NRXN1: variants seen among roughly 807,000 people sequenced by gnomAD.
NRXN1 encodes the protein neurexin-1.
In NRXN1, 39 loss-of-function variants were observed where a neutral mutation model predicts 150.9. The observed-to-expected ratio is 0.26, with a 90% CI of 0.20 to 0.34. NRXN1 has a LOEUF of 0.34. Among genes scored for constraint, NRXN1 ranks in the 10% least tolerant of loss-of-function variants. The pLI is 1.00. For missense variants in NRXN1, 1,815 were observed against 1,949.9 expected (o/e 0.93, Z 1.30); for synonymous variants, 924 against 757.0 (o/e 1.22, Z -3.62).
intron 15 of NRXN1, among the ~76,000 whole-genome samples, chr2:50,477,903 C>T (rs995308982): frequency 1.3e-5 from 2 of 152,252 alleles, no homozygotes; most frequent in African/African-American, 2.4e-5. Flanking sequence ...AATTTGGGTG[C>T]AGCTTTTTCT....
intron 5 of NRXN1, among the ~76,000 whole-genome samples, chr2:50,692,440 T>G (rs1310557804): frequency 6.6e-6 from 1 of 152,202 alleles, no homozygotes; most frequent in Non-Finnish European, 1.5e-5. Context: ...TCAAAACATT[T>G]CAGTCTGCTT....
At chr2:50,469,041 T>C (rs1361137868) in intron 16 of NRXN1, among the ~76,000 whole-genome samples, 1 of 151,584 alleles carries the variant, frequency 6.6e-6, no homozygotes, top group Non-Finnish European at 1.5e-5. Flanking sequence ...CCAGTGCCCA[T>C]TTTCTGCTAC....
intron 21 of NRXN1, among the ~76,000 whole-genome samples, chr2:50,027,408 C>CCCTCCCTCTCTCCCTT (rs1688522030): frequency 6.7e-6 from 1 of 148,734 alleles, no homozygotes; most frequent in Non-Finnish European, 1.5e-5. Flanking sequence ...CTTCCTCCCT[C>CCCTCCCTCTCTCCCTT]CCTCCCTCTC....
chr2:50,115,544 C>G (rs1702941829), intron 18 of NRXN1, among the ~76,000 whole-genome samples: 1 of 151,960 alleles, frequency 6.6e-6, no homozygotes, highest in African/African-American at 2.4e-5. Context: ...ATAACTTCCT[C>G]AAGGTCACAG....
chr2:50,570,688 G>T (rs1670539259), intron 8 of NRXN1, among the ~76,000 whole-genome samples: 1 of 152,046 alleles, frequency 6.6e-6, no homozygotes, highest in Non-Finnish European at 1.5e-5. Context: ...AACCCATCCA[G>T]ACTGGAGGAA....
At chr2:49,942,461 A>T (rs1339953638) in intron 22 of NRXN1, among the ~76,000 whole-genome samples, 1 of 152,212 alleles carries the variant, frequency 6.6e-6, no homozygotes, top group Non-Finnish European at 1.5e-5. Context: ...GGTATTCTTC[A>T]CAAGAATGCA....
At chr2:50,313,499 AC>A (rs2075344509) in intron 17 of NRXN1, among the ~76,000 whole-genome samples, 1 of 152,160 alleles carries the variant, frequency 6.6e-6, no homozygotes. Context: ...GAAGTCATTT[AC>A]CTGATAATCT....
Position 50,553,081 on chromosome 2 carries a change from T to G in NRXN1, c.1321-56A>C, listed in dbSNP as rs13429627. The stretch of plus-strand genomic sequence containing the variant: ...GCCTCCATATTTTAATATCTGAAAC[T>G]TGTGAACAGCTCATGTAACTTTCAA... On this transcript the variant is annotated intron_variant, in intron 8 of 22. Transcript: ENST00000401669. 269,278 of 1,252,102 alleles carry G rather than the reference T, an allele frequency of 0.22. 30,689 individuals carry two copies. Among genetic ancestry groups the G allele is most frequent in the East Asian group, 0.4 (17,254 of 42,922 alleles). 77.6% of individuals were successfully genotyped at this position (1,252,102 alleles called of 1,614,324 possible).
chr2:51,024,020 G>A (rs886546921), intron 2 of NRXN1, among the ~76,000 whole-genome samples: 3 of 152,270 alleles, frequency 2.0e-5, no homozygotes, highest in South Asian at 2.1e-4. Flanking sequence ...CGAGACCTGG[G>A]GATCTGGAAA....
chr2:50,256,599 C>T (rs1322721598), intron 17 of NRXN1, among the ~76,000 whole-genome samples: 3 of 152,052 alleles, frequency 2.0e-5, no homozygotes, highest in Non-Finnish European at 4.4e-5. Flanking sequence ...TCCATTTATT[C>T]CTGAGTTGGA....
chr2:50,889,140 G>A (rs188138508), intron 5 of NRXN1, among the ~76,000 whole-genome samples: 1 of 151,698 alleles, frequency 6.6e-6, no homozygotes, highest in Admixed American at 6.6e-5. Flanking sequence ...ATGGAGATTG[G>A]CAAAGAATTT....
chr2:50,608,377 G>A (rs957599189), intron 8 of NRXN1, among the ~76,000 whole-genome samples: 4 of 152,092 alleles, frequency 2.6e-5, no homozygotes, highest in Admixed American at 2.0e-4. Flanking sequence ...ATCATGGGAA[G>A]GGGCATGAGT....
intron 17 of NRXN1, among the ~76,000 whole-genome samples, chr2:50,440,832 C>T (rs553715628): frequency 6.6e-6 from 1 of 152,060 alleles, no homozygotes; most frequent in African/African-American, 2.4e-5. Flanking sequence ...AGTTCATACC[C>T]TGATTTTCTA....
intron 17 of NRXN1, among the ~76,000 whole-genome samples, chr2:50,388,444 C>G (rs1373784925): frequency 6.6e-6 from 1 of 152,110 alleles, no homozygotes; most frequent in Non-Finnish European, 1.5e-5. Context: ...TACATGTGTA[C>G]TGGCACTTTC....
At chr2:50,353,860 T>C (rs781617534) in intron 17 of NRXN1, among the ~76,000 whole-genome samples, 3 of 152,118 alleles carry the variant, frequency 2.0e-5, no homozygotes, top group Non-Finnish European at 2.9e-5. Flanking sequence ...GAACATACAC[T>C]AGAGGGGCTA....
At chr2:50,295,881 A>G (rs1025793199) in intron 17 of NRXN1, among the ~76,000 whole-genome samples, 2 of 152,226 alleles carry the variant, frequency 1.3e-5, no homozygotes, top group Non-Finnish European at 2.9e-5. Context: ...AGAGAGGACA[A>G]ACCACTACTT....
chr2:50,547,353 G>C (rs1198585688), intron 9 of NRXN1: 1 of 152,092 alleles, frequency 6.6e-6, no homozygotes, highest in South Asian at 2.1e-4. Flanking sequence ...AAAAATACTT[G>C]AGAGGGTACT....
At chr2:50,706,737 GA>G (rs1694495522) in intron 5 of NRXN1, among the ~76,000 whole-genome samples, 1 of 151,554 alleles carries the variant, frequency 6.6e-6, no homozygotes. Flanking sequence ...TCTTATCAAT[GA>G]CCGGTGCATT....
chr2:50,816,283 G>C (rs1475939442), intron 5 of NRXN1, among the ~76,000 whole-genome samples: 1 of 151,824 alleles, frequency 6.6e-6, no homozygotes, highest in East Asian at 1.9e-4. Flanking sequence ...TTTTATTTAG[G>C]AATCTCATTG....
Sources: allele counts gnomAD v4.1 joint callset (sites outside exome capture counted in the v4.1 genomes callset), GRCh38; gene constraint gnomAD v4.1.1; transcripts MANE v1.5; gene names NCBI Gene and HGNC (gene_info 2026-07-23, HGNC 2026-07-21).